NALCN: variants seen among roughly 807,000 people sequenced by gnomAD.
NALCN encodes the protein sodium leak channel NALCN.
Under a neutral mutation model 225.3 loss-of-function variants are expected in NALCN, and 111 were observed. The observed-to-expected ratio is 0.49, with a 90% CI of 0.42 to 0.58. NALCN has a LOEUF of 0.58. NALCN is among the 20% of genes least tolerant of loss of function. NALCN has a pLI of 0.00. For missense variants in NALCN, 1,378 were observed against 2,202.4 expected (o/e 0.63, Z 7.49); for synonymous variants, 764 against 769.0 (o/e 0.99, Z 0.11).
chr13:101,082,179 T>C lies in NALCN; in HGVS notation c.3766-533A>G, dbSNP rs965409187. Among the ~76,000 whole-genome samples the C allele has an allele frequency of 2.0e-5, 3 of 152,324 alleles. No homozygotes were observed. The East Asian group carries it at 5.8e-4, about 29-fold the overall frequency. Reference sequence around the variant, plus strand: ...AGGAGTGAGCCAGCATGCTCGGTTATACTATCTATTTAAAGAATAATTGTA... The same window carrying C: ...AGGAGTGAGCCAGCATGCTCGGTTACACTATCTATTTAAAGAATAATTGTA... On this transcript the variant is annotated intron_variant, in intron 33 of 43. Coordinates refer to ENST00000251127, the MANE Select transcript of NALCN (RefSeq NM_052867.4).
chr13:101,112,026 C>T (rs1052150870), intron 18 of NALCN, among the ~76,000 whole-genome samples: 2 of 152,022 alleles, frequency 1.3e-5, no homozygotes, highest in Non-Finnish European at 2.9e-5. Flanking sequence ...TTTTGTAGAA[C>T]TTTAGGAAGA....
At chr13:101,229,246 A>G in intron 13 of NALCN, 147 bp downstream of exon 13, 1 of 761,226 alleles carries the variant, frequency 1.3e-6, no homozygotes, top group Non-Finnish European at 2.0e-6. Context: ...CAGAAGAGAC[A>G]ATTTTAAATA....
intron 18 of NALCN, among the ~76,000 whole-genome samples, chr13:101,120,085 G>T (rs759539499): frequency 6.6e-6 from 1 of 152,134 alleles, no homozygotes; most frequent in Non-Finnish European, 1.5e-5. Flanking sequence ...TCAGGCTCTA[G>T]GGCCCTTCCT....
chr13:101,084,168 T>A (rs1036978766), intron 30 of NALCN, among the ~76,000 whole-genome samples: 1 of 152,232 alleles, frequency 6.6e-6, no homozygotes, highest in African/African-American at 2.4e-5. Flanking sequence ...AATTATAGCT[T>A]GTCAATGCTG....
At chr13:101,145,911 T>C (rs1007449891) in intron 15 of NALCN, among the ~76,000 whole-genome samples, 2 of 152,176 alleles carry the variant, frequency 1.3e-5, no homozygotes, top group African/African-American at 2.4e-5. Flanking sequence ...TACCTCCTTG[T>C]TGGGTATGGT....
At chr13:101,120,903 G>T (rs2035944300) in intron 18 of NALCN, among the ~76,000 whole-genome samples, 1 of 152,126 alleles carries the variant, frequency 6.6e-6, no homozygotes, top group Non-Finnish European at 1.5e-5. Context: ...CTCATATCAA[G>T]AATTCTGCCC....
intron 6 of NALCN, among the ~76,000 whole-genome samples, chr13:101,366,492 T>C (rs2046379573): frequency 6.6e-6 from 1 of 152,190 alleles, no homozygotes; most frequent in Non-Finnish European, 1.5e-5. Context: ...GGAACAATTG[T>C]TAACAATTTC....
intron 6 of NALCN, among the ~76,000 whole-genome samples, chr13:101,368,042 G>A (rs1757325049): frequency 6.6e-6 from 1 of 150,758 alleles, no homozygotes; most frequent in Non-Finnish European, 1.5e-5. Flanking sequence ...TAGGGTACAT[G>A]TGCACAATGT....
chr13:101,215,387 A>G (rs920116504), intron 13 of NALCN, among the ~76,000 whole-genome samples: 3 of 152,176 alleles, frequency 2.0e-5, no homozygotes, highest in Non-Finnish European at 4.4e-5. Context: ...ATTGATGTGT[A>G]ACAAATTACC....
chr13:101,157,003 A>G (rs1352289874), intron 15 of NALCN, among the ~76,000 whole-genome samples: 1 of 152,206 alleles, frequency 6.6e-6, no homozygotes, highest in Non-Finnish European at 1.5e-5. Flanking sequence ...AATTCACATT[A>G]ATCCACATAT....
chr13:101,191,274 T>G (rs935069709), intron 14 of NALCN, among the ~76,000 whole-genome samples: 11 of 152,220 alleles, frequency 7.2e-5, no homozygotes, highest in African/African-American at 2.2e-4. Flanking sequence ...AGTCACAGGC[T>G]GCATTTCATA....
chr13:101,319,771 G>C (rs1471092384), intron 7 of NALCN, among the ~76,000 whole-genome samples: 1 of 151,994 alleles, frequency 6.6e-6, no homozygotes, highest in African/African-American at 2.4e-5. Flanking sequence ...AATTTAGATG[G>C]CTCTGAAAAT....
intron 2 of NALCN, among the ~76,000 whole-genome samples, chr13:101,397,068 A>T (rs4772375): frequency 0.069 from 1,838 of 26,678 alleles, 60 homozygotes; most frequent in African/African-American, 0.33. Flanking sequence ...TGAATGTATT[A>T]TATATATATA....
intron 1 of NALCN, among the ~76,000 whole-genome samples, chr13:101,411,742 T>C (rs11843980): frequency 0.18 from 27,343 of 152,216 alleles, 2,905 homozygotes; most frequent in Non-Finnish European, 0.24. Context: ...TAGCAACTTT[T>C]ATGACTTTAC....
At chr13:101,374,310 C>G (rs1022987491) in intron 6 of NALCN, among the ~76,000 whole-genome samples, 1 of 129,048 alleles carries the variant, frequency 7.7e-6, no homozygotes, top group Non-Finnish European at 1.6e-5. Flanking sequence ...GAGTCTTGCT[C>G]TGTGGTCCAG....
chr13:101,345,201 A>G, intron 7 of NALCN, 65 bp downstream of exon 7: 1 of 1,493,646 alleles, frequency 6.7e-7, no homozygotes, highest in Non-Finnish European at 9.1e-7. Flanking sequence ...TTATTTAATT[A>G]TTCTGTCCAC....
intron 40 of NALCN, 38 bp downstream of exon 40, chr13:101,065,366 C>T (rs768815591): frequency 1.9e-5 from 31 of 1,608,926 alleles, no homozygotes; most frequent in Middle Eastern, 3.3e-4. Context: ...GCTGTGGTTT[C>T]TGGCCCCCAT....
At chr13:101,092,414 G>A (rs567812079) in intron 28 of NALCN, among the ~76,000 whole-genome samples, 2 of 152,276 alleles carry the variant, frequency 1.3e-5, no homozygotes, top group Admixed American at 1.3e-4. Flanking sequence ...CAGAAACGTC[G>A]TACTTCCTAC....
At chr13:101,343,781 T>C (rs2045631273) in intron 7 of NALCN, among the ~76,000 whole-genome samples, 1 of 152,216 alleles carries the variant, frequency 6.6e-6, no homozygotes, top group Admixed American at 6.5e-5. Context: ...GATTCTACCC[T>C]ATATTAAGCA....
Sources: allele counts gnomAD v4.1 joint callset (sites outside exome capture counted in the v4.1 genomes callset), GRCh38; gene constraint gnomAD v4.1.1; transcripts MANE v1.5; gene names NCBI Gene and HGNC (gene_info 2026-07-23, HGNC 2026-07-21).